The following PTCSC3 variants were observed in gnomAD, a reference collection of about 807,000 sequenced individuals.
PTCSC3 encodes the protein papillary thyroid carcinoma susceptibility candidate 3.
At chr14:36,142,750 G>T (rs1881454350) in intron 3 of PTCSC3, among the ~76,000 whole-genome samples, 1 of 150,718 alleles carries the variant, frequency 6.6e-6, no homozygotes, top group South Asian at 2.1e-4. Context: ...CTGGTGCGCT[G>T]CACCCACTAA....
At chr14:36,152,709 C>A (rs1166307738) in intron 3 of PTCSC3, among the ~76,000 whole-genome samples, 2 of 151,862 alleles carry the variant, frequency 1.3e-5, no homozygotes, top group African/African-American at 2.4e-5. Flanking sequence ...GCATGGCCAA[C>A]AAGGTGAAAC....
chr14:36,165,878 G>A (rs1882076252), intron 1 of PTCSC3, among the ~76,000 whole-genome samples: 3 of 152,046 alleles, frequency 2.0e-5, no homozygotes, highest in African/African-American at 7.2e-5. Context: ...TTTTGAAACT[G>A]CATTTGAAAA....
chr14:36,159,088 T>A (rs1881892341), intron 2 of PTCSC3, among the ~76,000 whole-genome samples: 1 of 152,172 alleles, frequency 6.6e-6, no homozygotes, highest in Admixed American at 6.5e-5. Flanking sequence ...TTCTGTGGGA[T>A]CAGTGGGGAA....
chr14:36,147,485 T>A (rs1160127248), intron 3 of PTCSC3, among the ~76,000 whole-genome samples: 1 of 152,246 alleles, frequency 6.6e-6, no homozygotes, highest in African/African-American at 2.4e-5. Context: ...TTCTTCACGT[T>A]GTTCTTGAGC....
intron 2 of PTCSC3, among the ~76,000 whole-genome samples, chr14:36,159,996 TTTGATCTTTA>T (rs1241934731): frequency 4.6e-5 from 7 of 152,214 alleles, no homozygotes; most frequent in Non-Finnish European, 7.3e-5. Flanking sequence ...CTTTGTCTCT[TTTGATCTTTA>T]TTGGTTTAAA....
At chr14:36,163,860 T>G (rs550871467) in intron 1 of PTCSC3, among the ~76,000 whole-genome samples, 5 of 152,290 alleles carry the variant, frequency 3.3e-5, no homozygotes, top group Non-Finnish European at 7.4e-5. Flanking sequence ...GGAGGTAAGA[T>G]TAAGTATTGT....
chr14:36,170,479 T>A (rs1202085515), intron 1 of PTCSC3, among the ~76,000 whole-genome samples: 2 of 152,182 alleles, frequency 1.3e-5, no homozygotes, highest in Non-Finnish European at 1.5e-5. Flanking sequence ...TATACCATAT[T>A]TTTTCACATG....
intron 3 of PTCSC3, among the ~76,000 whole-genome samples, chr14:36,137,061 A>G (rs182810269): frequency 0.013 from 1,915 of 152,330 alleles, 82 homozygotes; most frequent in Admixed American, 0.079. Context: ...TAGAAAAAAA[A>G]GCAGAATAAC....
intron 3 of PTCSC3, among the ~76,000 whole-genome samples, chr14:36,137,156 G>C (rs1269584018): frequency 6.6e-6 from 1 of 152,140 alleles, no homozygotes; most frequent in East Asian, 1.9e-4. Context: ...GAAACACAAA[G>C]GGAGGAAGGA....
intron 1 of PTCSC3, among the ~76,000 whole-genome samples, chr14:36,172,317 A>G (rs1337250139): frequency 6.6e-6 from 1 of 152,182 alleles, no homozygotes; most frequent in Non-Finnish European, 1.5e-5. Flanking sequence ...CTAAAAATAT[A>G]GGATTTTAAT....
intron 3 of PTCSC3, among the ~76,000 whole-genome samples, chr14:36,149,880 G>T (rs901703900): frequency 7.9e-5 from 12 of 151,998 alleles, no homozygotes; most frequent in Non-Finnish European, 1.8e-4. Context: ...AAATGCTTAG[G>T]ACCAAAAGTT....
At chr14:36,135,108 T>G (rs1321438449), downstream of PTCSC3, among the ~76,000 whole-genome samples, 1 of 152,132 alleles carries the variant, frequency 6.6e-6, no homozygotes, top group African/African-American at 2.4e-5. Flanking sequence ...TAGGAACAAC[T>G]TGAGTAGTAC....
intron 1 of PTCSC3, among the ~76,000 whole-genome samples, chr14:36,165,688 G>A (rs1377162586): frequency 6.6e-6 from 1 of 150,722 alleles, no homozygotes; most frequent in Non-Finnish European, 1.5e-5. Flanking sequence ...TAATGAAACA[G>A]ATAGATGGGT....
intron 2 of PTCSC3, among the ~76,000 whole-genome samples, chr14:36,157,767 T>TA (rs2139103203): frequency 6.6e-6 from 1 of 152,336 alleles, no homozygotes; most frequent in South Asian, 2.1e-4. Flanking sequence ...GTATGAAATT[T>TA]AAAGTAGTTT....
chr14:36,173,281 A>G (rs1299079174), intron 1 of PTCSC3, among the ~76,000 whole-genome samples: 1 of 152,126 alleles, frequency 6.6e-6, no homozygotes, highest in Non-Finnish European at 1.5e-5. Flanking sequence ...ATGTACAGAG[A>G]TGGGTAGTGT....
intron 1 of PTCSC3, among the ~76,000 whole-genome samples, chr14:36,164,617 A>G (rs1007007119): frequency 6.6e-6 from 1 of 152,074 alleles, no homozygotes; most frequent in African/African-American, 2.4e-5. Flanking sequence ...AACTATCCGT[A>G]CTTGGACATT....
At chr14:36,157,207 C>T (rs1337558570) in intron 2 of PTCSC3, among the ~76,000 whole-genome samples, 2 of 152,152 alleles carry the variant, frequency 1.3e-5, no homozygotes, top group African/African-American at 4.8e-5. Flanking sequence ...GCATAAATGT[C>T]TCCTTTTGAG....
chr14:36,148,982 CT>C (rs954835129), intron 3 of PTCSC3, among the ~76,000 whole-genome samples: 31 of 151,876 alleles, frequency 2.0e-4, no homozygotes, highest in Non-Finnish European at 3.5e-4. Flanking sequence ...ATTTCTTCCC[CT>C]TTTTCAATTT....
intron 2 of PTCSC3, among the ~76,000 whole-genome samples, chr14:36,161,181 G>A (rs912080079): frequency 4.6e-5 from 7 of 152,046 alleles, no homozygotes; most frequent in Non-Finnish European, 4.4e-5. Flanking sequence ...CTTTAGCTTC[G>A]AGGAGTTTGT....
Sources: gnomAD v4.1 joint callset for allele counts (sites outside exome capture counted in the v4.1 genomes callset) on GRCh38, gnomAD v4.1.1 for gene constraint, MANE v1.5 for transcripts, NCBI Gene and HGNC (gene_info 2026-07-23, HGNC 2026-07-21) for gene names.